Variants in NAE1 observed in about 807,000 individuals in gnomAD.
NAE1 encodes the protein NEDD8-activating enzyme E1 regulatory subunit.
Under a neutral mutation model 88.0 loss-of-function variants are expected in NAE1, and 59 were observed. The observed-to-expected ratio is 0.67, with a 90% CI of 0.54 to 0.83. NAE1 has a LOEUF of 0.83. NAE1 is among the 40% of genes least tolerant of loss of function. The pLI, the probability that NAE1 is intolerant of heterozygous loss-of-function variation, is 0.00. For missense variants in NAE1, 554 were observed against 632.8 expected (o/e 0.88, Z 1.34); for synonymous variants, 186 against 208.9 (o/e 0.89, Z 0.95).
At chr16:66,818,777 C>T in intron 7 of NAE1, 140 bp from the exon 8 acceptor site, 1 of 1,168,952 alleles carries the variant, frequency 8.6e-7, no homozygotes, top group Non-Finnish European at 1.1e-6. Context: ...CTGAAGGGAT[C>T]CTCCCACCTC....
chr16:66,828,678 C>A (rs1192921289), intron 1 of NAE1, among the ~76,000 whole-genome samples: 1 of 150,788 alleles, frequency 6.6e-6, no homozygotes, highest in Non-Finnish European at 1.5e-5. Flanking sequence ...ATACTGAGAC[C>A]CACCTCAAAA....
intron 7 of NAE1, among the ~76,000 whole-genome samples, chr16:66,820,545 G>A (rs1377050689): frequency 6.6e-6 from 1 of 152,062 alleles, no homozygotes; most frequent in Non-Finnish European, 1.5e-5. Flanking sequence ...ATCACCTGAG[G>A]TCAGGAGTTC....
chr16:66,827,885 T>C (rs1212793427), intron 1 of NAE1: 17 of 1,063,986 alleles, frequency 1.6e-5, no homozygotes, highest in South Asian at 1.2e-4. Flanking sequence ...AGGGTCTTAC[T>C]ATGTTATCCA....
chr16:66,829,220 T>C (rs1253623930), intron 1 of NAE1, among the ~76,000 whole-genome samples: 1 of 152,200 alleles, frequency 6.6e-6, no homozygotes, highest in African/African-American at 2.4e-5. Flanking sequence ...GCAAAAACCC[T>C]CTTTTGTTAG....
Position 66,811,046 on chromosome 16 carries a change from C to T in NAE1, c.1035-274G>A, listed in dbSNP as rs34751467. On this transcript the variant is annotated intron_variant, in intron 13 of 19. Coordinates refer to ENST00000290810, the MANE Select transcript of NAE1 (RefSeq NM_003905.4). ...GCTCCCCTAGAGGGATCTATGATTTCGGCTTCTGTGACAGAGGACCTGAAA... is the reference window on the plus strand; with the variant it reads ...GCTCCCCTAGAGGGATCTATGATTTTGGCTTCTGTGACAGAGGACCTGAAA... Among the ~76,000 whole-genome samples the T allele has an allele frequency of 6.7e-3, 1,027 of 152,290 alleles. 2 individuals carry two copies. Among genetic ancestry groups the T allele is most frequent in the Non-Finnish European group, 0.011 (724 of 68,018 alleles).
At chr16:66,816,909 C>A in intron 10 of NAE1, 56 bp downstream of exon 10, 1 of 1,555,234 alleles carries the variant, frequency 6.4e-7, no homozygotes, top group Non-Finnish European at 8.6e-7. Context: ...TAAGTACCTG[C>A]CTCTAGCAAT....
chr16:66,823,216 TAAAAA>T lies in NAE1; in HGVS notation c.401+6_401+10del. On this transcript the variant is annotated splice_donor_region_variant and intron_variant, in intron 6 of 19. Coordinates refer to ENST00000290810, the MANE Select transcript of NAE1 (RefSeq NM_003905.4). ...AGATTAAAATAAAAACATATTAACATAAAAATTTACCTTTCAGGAAGCTGAGTTGC... is the reference window on the plus strand; with the variant it reads ...AGATTAAAATAAAAACATATTAACATTTTACCTTTCAGGAAGCTGAGTTGC... The T allele has an allele frequency of 2.6e-6, 4 of 1,511,604 alleles. No individual in the cohort carries two copies. The highest frequency in any genetic ancestry group is 3.6e-6 in the Non-Finnish European group (4 of 1,110,616). The allele number at this position is 1,511,604 out of a possible 1,614,324, so 93.6% of individuals were successfully genotyped here.
In NAE1 at chr16:66,826,715, G is replaced by A. The variant is rs1351079630; in HGVS notation, c.119C>T (p.Ala40Val). The change falls in exon 2 of 20, where the codon GCC becomes GTC. Residue 40 changes from alanine to valine, a missense_variant. Coordinates refer to ENST00000290810, the MANE Select transcript of NAE1 (RefSeq NM_003905.4). ...GTTTTTAAGAATTTCAGTTCCTGTG[G>A]CTGTTGCATTTATTAGGCAAACATG... is the stretch of plus-strand genomic sequence containing the variant. The part of the protein sequence containing the change: ...SAHVCLINAT[A>V]TGTEILKNLV... 6.2e-6 allele frequency: 10 copies of A among 1,614,014 alleles called. No individual in the cohort carries two copies. In the Admixed American group the frequency reaches 1.7e-4, roughly 27 times the overall value.
chr16:66,811,864 G>A (rs918176631), intron 13 of NAE1, among the ~76,000 whole-genome samples: 13 of 152,258 alleles, frequency 8.5e-5, no homozygotes, highest in Admixed American at 2.6e-4. Context: ...ACCAAGATTC[G>A]TTCAATGGTG....
chr16:66,822,666 A>ATT (rs1395972274), intron 6 of NAE1, among the ~76,000 whole-genome samples: 2 of 146,854 alleles, frequency 1.4e-5, no homozygotes, highest in African/African-American at 2.5e-5. Context: ...TTATTTATTT[A>ATT]TTTATTTATT....
At chr16:66,819,897 ACACT>A (rs1205842027) in intron 7 of NAE1, among the ~76,000 whole-genome samples, 3 of 152,182 alleles carry the variant, frequency 2.0e-5, no homozygotes, top group Non-Finnish European at 4.4e-5. Flanking sequence ...GAAAAAGAAC[ACACT>A]CTCTCTTACT....
chr16:66,809,090 G>A lies in NAE1; in HGVS notation c.1151-15C>T, dbSNP rs1959687747. Reference sequence around the variant, plus strand: ...AGAATTGCTGCCTGAACAGAGGAAAGATATTCTGGAAGTAATGACTGTGAC... The same window carrying A: ...AGAATTGCTGCCTGAACAGAGGAAAAATATTCTGGAAGTAATGACTGTGAC... On this transcript the variant is annotated splice_polypyrimidine_tract_variant and intron_variant, in intron 15 of 19. Coordinates refer to ENST00000290810, the MANE Select transcript of NAE1 (RefSeq NM_003905.4). 2.5e-6 allele frequency: 4 copies of A among 1,590,354 alleles called. No individual in the cohort carries two copies. Among genetic ancestry groups the A allele is most frequent in the Non-Finnish European group, 3.4e-6 (4 of 1,161,942 alleles).
At chr16:66,813,468 A>G (rs547408709) in intron 13 of NAE1, 96 bp downstream of exon 13, 2 of 1,405,348 alleles carry the variant, frequency 1.4e-6, no homozygotes, top group Admixed American at 4.3e-5. Flanking sequence ...ATGAGGTTGT[A>G]ATAAACTTTC....
chr16:66,804,741 G>C (rs1959494101), intron 19 of NAE1, among the ~76,000 whole-genome samples: 2 of 152,036 alleles, frequency 1.3e-5, no homozygotes, highest in African/African-American at 2.4e-5. Context: ...TAGGTGATTA[G>C]GTCAAGAGCG....
intron 17 of NAE1, among the ~76,000 whole-genome samples, chr16:66,806,374 A>G (rs1959566484): frequency 6.6e-6 from 1 of 152,238 alleles, no homozygotes; most frequent in Non-Finnish European, 1.5e-5. Context: ...CTCCAATTCT[A>G]AAAGACTAAA....
chr16:66,809,163 T>A, intron 15 of NAE1, 88 bp from the exon 16 acceptor site: 1 of 878,506 alleles, frequency 1.1e-6, no homozygotes, highest in South Asian at 1.7e-5. Flanking sequence ...GAGAATTATG[T>A]GTATACCCTT....
chr16:66,805,716 G>C, intron 19 of NAE1, 61 bp downstream of exon 19: 1 of 1,282,702 alleles, frequency 7.8e-7, no homozygotes, highest in African/African-American at 1.5e-5. Context: ...ACAAAACTTT[G>C]TATTAAAATA....
intron 19 of NAE1, among the ~76,000 whole-genome samples, chr16:66,805,007 T>G (rs1959507773): frequency 6.6e-6 from 1 of 151,972 alleles, no homozygotes; most frequent in South Asian, 2.1e-4. Flanking sequence ...AAGGGGGAAG[T>G]AGAGTGAGGG....
Position 66,813,769 on chromosome 16 carries a change from TA to T in NAE1, c.900+17del, listed in dbSNP as rs113701293. Reference sequence around the variant, plus strand: ...CCCAAAGTTTTAGCAGCAATGTTTTTACTTTTGTTGTTGTTACCTGTTTGGT... The same window carrying T: ...CCCAAAGTTTTAGCAGCAATGTTTTTCTTTTGTTGTTGTTACCTGTTTGGT... On this transcript the variant is annotated intron_variant, in intron 12 of 19. Transcript: ENST00000290810. 20,593 of 1,613,334 alleles carry T rather than the reference TA, an allele frequency of 0.013. 645 individuals are homozygous for T. Among genetic ancestry groups the T allele is most frequent in the South Asian group, 0.095 (8,663 of 90,814 alleles).
Sources: gnomAD v4.1 joint callset for allele counts (sites outside exome capture counted in the v4.1 genomes callset) on GRCh38, gnomAD v4.1.1 for gene constraint, MANE v1.5 for transcripts, NCBI Gene and HGNC (gene_info 2026-07-23, HGNC 2026-07-21) for gene names.